Variants in SGCD observed in about 807,000 individuals in gnomAD.
SGCD encodes the protein delta-sarcoglycan.
SGCD carries 18 observed loss-of-function variants against 36.6 expected under a neutral mutation model. The observed-to-expected ratio is 0.49, with a 90% CI of 0.34 to 0.73. SGCD has a LOEUF of 0.73. SGCD is among the 30% of genes least tolerant of loss of function. The probability of loss-of-function intolerance (pLI) is 0.01; values close to 1 mark genes in which losing one functional copy is unlikely to be tolerated. For synonymous variants in SGCD, 133 were observed against 130.6 expected, an observed-to-expected ratio of 1.02 and a Z score of -0.12; for missense variants, 387 against 346.7, an observed-to-expected ratio of 1.12 and a Z score of -0.92.
At chr5:156,465,804 G>A (rs1339394014) in intron 3 of SGCD, among the ~76,000 whole-genome samples, 2 of 152,182 alleles carry the variant, frequency 1.3e-5, no homozygotes, top group Non-Finnish European at 2.9e-5. Flanking sequence ...TGGCACCGGA[G>A]GAAATTCCTG....
chr5:155,880,011 T>C (rs977114138), intron 1 of SGCD, among the ~76,000 whole-genome samples: 1 of 152,170 alleles, frequency 6.6e-6, no homozygotes, highest in Non-Finnish European at 1.5e-5. Context: ...CAGTAAATCA[T>C]CCATATTTGT....
intron 1 of SGCD, among the ~76,000 whole-genome samples, chr5:155,929,689 T>C (rs1358876825): frequency 6.6e-6 from 1 of 152,214 alleles, no homozygotes; most frequent in East Asian, 1.9e-4. Flanking sequence ...GACTTTCTAT[T>C]ATGGCACAGA....
Position 156,589,239 on chromosome 5 carries a change from C to T in SGCD, c.303C>T (p.Ala101=). The T allele has an allele frequency of 1.9e-6, 3 of 1,561,810 alleles. No homozygotes were observed. Among genetic ancestry groups the T allele is most frequent in the Non-Finnish European group, 2.6e-6 (3 of 1,149,172 alleles). Residue 101 remains alanine, a synonymous_variant, in exon 5 of 9, where the codon GCC becomes GCT. Coordinates refer to ENST00000337851, the MANE Select transcript of SGCD (RefSeq NM_000337.6). The part of the protein sequence containing the change: ...AKEIQSRPGN[A]LYFKSARNVT... ...TTATTTTCTTATTGCAGGGTAATGC[C>T]CTGTACTTCAAGTCTGCCAGAAATG...
intron 6 of SGCD, among the ~76,000 whole-genome samples, chr5:156,608,665 T>G (rs1224828937): frequency 6.6e-6 from 1 of 152,200 alleles, no homozygotes; most frequent in Non-Finnish European, 1.5e-5. Flanking sequence ...CCCCTTATTA[T>G]TGTGTGGGAT....
intron 7 of SGCD, among the ~76,000 whole-genome samples, chr5:156,673,951 C>G (rs1362286076): frequency 6.6e-6 from 1 of 152,176 alleles, no homozygotes; most frequent in East Asian, 1.9e-4. Flanking sequence ...ATGCATCTGT[C>G]TATTAGTGTA....
chr5:155,799,076 T>C, the SGCD span, among the ~76,000 whole-genome samples: 2 of 152,224 alleles, frequency 1.3e-5, no homozygotes, highest in African/African-American at 2.4e-5. Context: ...GCCTCATTAT[T>C]GTCCAAGGGA....
At chr5:156,446,105 AC>A (rs1753747160) in intron 3 of SGCD, among the ~76,000 whole-genome samples, 1 of 152,136 alleles carries the variant, frequency 6.6e-6, no homozygotes, top group South Asian at 2.1e-4. Context: ...TGCTGAATAG[AC>A]AAAATGGATC....
intron 1 of SGCD, among the ~76,000 whole-genome samples, chr5:155,981,328 T>G (rs1758225050): frequency 6.6e-6 from 1 of 152,080 alleles, no homozygotes; most frequent in Non-Finnish European, 1.5e-5. Flanking sequence ...GGACCTGAGC[T>G]CAAAATACCC....
intron 3 of SGCD, among the ~76,000 whole-genome samples, chr5:156,259,915 G>A (rs1052503580): frequency 2.6e-5 from 4 of 152,060 alleles, no homozygotes; most frequent in African/African-American, 4.8e-5. Flanking sequence ...AGTACCATGC[G>A]GCTGGGCTTT....
chr5:155,895,491 A>G (rs146884797), intron 1 of SGCD, among the ~76,000 whole-genome samples: 501 of 152,302 alleles, frequency 3.3e-3, no homozygotes, highest in Non-Finnish European at 4.5e-3. Flanking sequence ...TTGGCGATCC[A>G]CAGCCAGGGG....
intron 1 of SGCD, among the ~76,000 whole-genome samples, chr5:156,034,769 C>T (rs1484752719): frequency 2.0e-5 from 3 of 152,152 alleles, no homozygotes; most frequent in Admixed American, 2.0e-4. Flanking sequence ...AGATTTCATC[C>T]TTCATGCAAG....
intron 3 of SGCD, chr5:156,393,706 C>A (rs10475703): frequency 0.66 from 302,897 of 455,726 alleles, 102,397 homozygotes; most frequent in Middle Eastern, 0.86. Flanking sequence ...GCCATTGGTA[C>A]ATAGTTACTA....
Position 156,047,354 on chromosome 5 carries a change from A to G in SGCD, c.-281-70524A>G, listed in dbSNP as rs1039905835. Among the ~76,000 whole-genome samples the G allele has an allele frequency of 3.9e-5, 6 of 152,172 alleles. No individual in the cohort carries two copies. The South Asian group carries it at 1.0e-3, about 26-fold the overall frequency. ...CTCAATGTAAATGAAACAGACTTCT[A>G]TTGGAAGAAGATGATGTCTAGGACT... is the stretch of plus-strand genomic sequence containing the variant. On this transcript the variant is annotated intron_variant, in intron 1 of 9. Transcript: ENST00000517913.
chr5:156,482,401 T>C (rs1755471142), intron 3 of SGCD, among the ~76,000 whole-genome samples: 7 of 152,244 alleles, frequency 4.6e-5, no homozygotes, highest in Admixed American at 4.6e-4. Context: ...ACTTTGTTGT[T>C]AGTGTTTTAC....
At chr5:156,074,088 T>A (rs1267339285) in intron 1 of SGCD, among the ~76,000 whole-genome samples, 1 of 152,242 alleles carries the variant, frequency 6.6e-6, no homozygotes, top group African/African-American at 2.4e-5. Flanking sequence ...GCATCAGACT[T>A]ATTTTCTTGA....
chr5:156,555,043 T>C (rs1758965614), intron 4 of SGCD, among the ~76,000 whole-genome samples: 1 of 152,198 alleles, frequency 6.6e-6, no homozygotes, highest in Non-Finnish European at 1.5e-5. Context: ...TTTGAAGAAA[T>C]GTTGATTCAG....
chr5:156,513,727 C>T (rs1273467461), intron 4 of SGCD, among the ~76,000 whole-genome samples: 1 of 152,210 alleles, frequency 6.6e-6, no homozygotes, highest in Non-Finnish European at 1.5e-5. Flanking sequence ...AGTAAAGTCA[C>T]TACAAATTGA....
chr5:156,490,681 A>C (rs1390346635), intron 3 of SGCD, among the ~76,000 whole-genome samples: 1 of 151,960 alleles, frequency 6.6e-6, no homozygotes, highest in East Asian at 1.9e-4. Context: ...ACTCCCAATA[A>C]ATTAGGCATA....
the SGCD span, among the ~76,000 whole-genome samples, chr5:155,823,240 G>T: frequency 6.8e-6 from 1 of 146,744 alleles, no homozygotes; most frequent in South Asian, 2.3e-4. Flanking sequence ...ACCCAGAAAA[G>T]TTATGGTGTA....
Sources: allele counts gnomAD v4.1 joint callset (sites outside exome capture counted in the v4.1 genomes callset), GRCh38; gene constraint gnomAD v4.1.1; transcripts MANE v1.5; gene names NCBI Gene and HGNC (gene_info 2026-07-23, HGNC 2026-07-21).